Variants in RAB3IP observed in about 807,000 individuals in gnomAD.
RAB3IP encodes rab-3A-interacting protein.
A neutral mutation model predicts 59.1 loss-of-function variants in RAB3IP; 36 were observed. That is an observed-to-expected ratio of 0.61 (90% CI 0.47 to 0.80). RAB3IP has a LOEUF of 0.80. RAB3IP is among the 30% of genes least tolerant of loss of function. The probability of loss-of-function intolerance (pLI) is 0.00; values close to 1 mark genes in which losing one functional copy is unlikely to be tolerated. For missense variants in RAB3IP, 511 were observed against 536.0 expected (o/e 0.95, Z 0.46); for synonymous variants, 207 against 191.2 (o/e 1.08, Z -0.68).
intron 6 of RAB3IP, 144 bp downstream of exon 6, chr12:69,795,488 G>T: frequency 1.5e-6 from 1 of 661,702 alleles, no homozygotes. Context: ...TCTAGAGCTG[G>T]CTGCTTTCAG....
Position 69,819,164 on chromosome 12 carries a change from C to G in RAB3IP, c.*3718C>G, listed in dbSNP as rs1881442315. ...GGAACATCGGTGGTGTATTATGAAT[C>G]AAGCATTATTACTAGCTCAGTTATA... On this transcript the variant is annotated 3_prime_UTR_variant, in exon 11 of 11. Coordinates refer to ENST00000247833, the MANE Select transcript of RAB3IP (RefSeq NM_022456.5). 1 of 152,156 alleles carries G rather than the reference C, an allele frequency of 6.6e-6. No individual in the cohort carries two copies. The highest frequency in any genetic ancestry group is 1.5e-5 in the Non-Finnish European group (1 of 68,032). The allele number at this position is 152,156 out of a possible 1,614,324, so 9.4% of individuals were successfully genotyped here.
At chr12:69,773,421 TTTA>T (rs1448050808) in intron 3 of RAB3IP, among the ~76,000 whole-genome samples, 73 of 129,376 alleles carry the variant, frequency 5.6e-4, no homozygotes, top group African/African-American at 1.5e-3. Flanking sequence ...TTTTTTTTTT[TTTA>T]TTATACTCTA....
intron 3 of RAB3IP, among the ~76,000 whole-genome samples, chr12:69,764,464 C>T (rs2136154316): frequency 6.6e-6 from 1 of 152,142 alleles, no homozygotes; most frequent in South Asian, 2.1e-4. Flanking sequence ...AGGTCCAGGG[C>T]TTTATTTCTG....
intron 6 of RAB3IP, among the ~76,000 whole-genome samples, chr12:69,799,126 A>G (rs1320325486): frequency 6.6e-6 from 1 of 152,216 alleles, no homozygotes; most frequent in Non-Finnish European, 1.5e-5. Flanking sequence ...GCTGAAAAAA[A>G]TATTCACATG....
At chr12:69,801,583 T>C in intron 7 of RAB3IP, 26 bp from the exon 8 acceptor site, 1 of 1,440,496 alleles carries the variant, frequency 6.9e-7, no homozygotes. Context: ...CAGTATAGCA[T>C]CTAGTACTTT....
intron 1 of RAB3IP, among the ~76,000 whole-genome samples, chr12:69,752,865 A>G (rs1281670118): frequency 6.6e-6 from 1 of 152,212 alleles, no homozygotes; most frequent in Non-Finnish European, 1.5e-5. Context: ...TGAATTATGT[A>G]CTTTGAATAT....
intron 3 of RAB3IP, among the ~76,000 whole-genome samples, chr12:69,781,238 C>G (rs1212189739): frequency 6.6e-6 from 1 of 152,062 alleles, no homozygotes; most frequent in Non-Finnish European, 1.5e-5. Flanking sequence ...GTTTTTAGAG[C>G]AGTTTTAGGT....
chr12:69,746,668 AAATAAATGTATTTAATATGTAT>A (rs1299447052), intron 1 of RAB3IP, among the ~76,000 whole-genome samples: 1 of 152,220 alleles, frequency 6.6e-6, no homozygotes, highest in Non-Finnish European at 1.5e-5. Context: ...TATATGTATG[AAATAAATGTATTTAATATGTAT>A]AATAAATGTT....
chr12:69,755,825 A>G (rs1465663365), intron 2 of RAB3IP, among the ~76,000 whole-genome samples, 166 bp downstream of exon 2: 1 of 152,178 alleles, frequency 6.6e-6, no homozygotes, highest in African/African-American at 2.4e-5. Flanking sequence ...GACAAACTTT[A>G]TATGTGAAGG....
At chr12:69,798,423 A>T (rs1197390440) in intron 6 of RAB3IP, among the ~76,000 whole-genome samples, 2 of 151,394 alleles carry the variant, frequency 1.3e-5, no homozygotes, top group Admixed American at 6.6e-5. Context: ...TCTGGATATT[A>T]GCCCTTTGTC....
chr12:69,794,299 T>G (rs748465350), intron 4 of RAB3IP, 138 bp from the exon 5 acceptor site: 1 of 649,730 alleles, frequency 1.5e-6, no homozygotes, highest in Non-Finnish European at 2.7e-6. Context: ...AACTGCTGCT[T>G]CCATAGTTGA....
rs1001550976 is a variant in RAB3IP at position 69,738,922 on chromosome 12, T to C, written c.-135T>C. The C allele has an allele frequency of 6.6e-6, 1 of 152,012 alleles. No individual in the cohort carries two copies. The highest frequency in any genetic ancestry group is 2.4e-5 in the African/African-American group (1 of 41,420). 9.4% of individuals were successfully genotyped at this position (152,012 alleles called of 1,614,324 possible). On this transcript the variant is annotated 5_prime_UTR_variant, in exon 1 of 11. Coordinates refer to ENST00000247833, the MANE Select transcript of RAB3IP (RefSeq NM_022456.5). ...GTAGTGAGCCCGCCGCCGTGGAGTGTAGCGGAAAGGGCTCGCCGTCCTCCT... is the reference window on the plus strand; with the variant it reads ...GTAGTGAGCCCGCCGCCGTGGAGTGCAGCGGAAAGGGCTCGCCGTCCTCCT...
chr12:69,809,753 G>A (rs1299285878), intron 8 of RAB3IP, among the ~76,000 whole-genome samples: 1 of 152,106 alleles, frequency 6.6e-6, no homozygotes, highest in East Asian at 1.9e-4. Flanking sequence ...AGCTCCATCA[G>A]GTCCTTTAAG....
chr12:69,766,916 G>T (rs1872305273), intron 3 of RAB3IP, among the ~76,000 whole-genome samples: 1 of 152,202 alleles, frequency 6.6e-6, no homozygotes, highest in Admixed American at 6.5e-5. Flanking sequence ...TGTCAACTCT[G>T]TCTTGGATCT....
intron 6 of RAB3IP, chr12:69,796,666 G>C (rs779586373): frequency 1.7e-6 from 1 of 604,308 alleles, no homozygotes; most frequent in Non-Finnish European, 3.0e-6. Context: ...TTCAATACTT[G>C]GTTAAATCTG....
At position 69,784,773 on chromosome 12, in the gene RAB3IP, A is replaced by G. The variant is rs1359624420; in HGVS notation, c.564A>G (p.Gln188=). The G allele has an allele frequency of 2.5e-6, 4 of 1,610,566 alleles. No homozygotes were observed. Among genetic ancestry groups the G allele is most frequent in the Admixed American group, 3.3e-5 (2 of 59,708 alleles). The part of the protein sequence containing the change: ...ECERLSKVRD[Q]LGQELEELTA... Reference sequence around the variant, plus strand: ...AGAGGCTTTCAAAAGTGCGAGATCAACTTGGACAGGAATTGGAAGAACTCA... The same window carrying G: ...AGAGGCTTTCAAAAGTGCGAGATCAGCTTGGACAGGAATTGGAAGAACTCA... Residue 188 remains glutamine, a synonymous_variant, in exon 4 of 11, where the codon CAA becomes CAG. Transcript: ENST00000247833.
Position 69,807,843 on chromosome 12 carries a change from G to A in RAB3IP, c.1131-4935G>A, listed in dbSNP as rs184410795. Among the ~76,000 whole-genome samples the A allele has an allele frequency of 4.0e-3, 490 of 121,926 alleles. 4 individuals are homozygous for A. Among genetic ancestry groups the A allele is most frequent in the African/African-American group, 0.015 (459 of 31,426 alleles). The allele number at this position is 121,926 out of a possible 152,430, so 80.0% of individuals were successfully genotyped here. Reference sequence around the variant, plus strand: ...CACCTCCCAGACGGGGCGGCCGTGCGGAGGCGCTCCTCACCTCCCAGACGG... The same window carrying A: ...CACCTCCCAGACGGGGCGGCCGTGCAGAGGCGCTCCTCACCTCCCAGACGG... On this transcript the variant is annotated intron_variant, in intron 8 of 10. Transcript: ENST00000247833.
chr12:69,757,810 A>G (rs1388622207), intron 3 of RAB3IP, among the ~76,000 whole-genome samples: 1 of 152,182 alleles, frequency 6.6e-6, no homozygotes, highest in African/African-American at 2.4e-5. Flanking sequence ...GTCTTAATAG[A>G]TAGTATTTTA....
intron 10 of RAB3IP, among the ~76,000 whole-genome samples, 179 bp downstream of exon 10, chr12:69,813,212 C>G (rs1413163046): frequency 6.6e-6 from 1 of 152,084 alleles, no homozygotes; most frequent in East Asian, 1.9e-4. Context: ...GAACAAATGT[C>G]TTTTAGAAAA....
Sources: allele counts gnomAD v4.1 joint callset (sites outside exome capture counted in the v4.1 genomes callset), GRCh38; gene constraint gnomAD v4.1.1; transcripts MANE v1.5; gene names NCBI Gene and HGNC (gene_info 2026-07-23, HGNC 2026-07-21).